PAH: variants seen among roughly 807,000 people sequenced by gnomAD.
PAH encodes the protein phenylalanine hydroxylase.
In PAH, 64 loss-of-function variants were observed where a neutral mutation model predicts 62.0. The ratio of observed to expected loss-of-function variants is 1.03; its 90% CI spans 0.84 to 1.27. The LOEUF (loss-of-function observed/expected upper bound fraction) is 1.27. Among genes scored for constraint, PAH ranks in the 50% most tolerant of loss-of-function variants. The pLI is 0.00. For synonymous variants in PAH, 195 were observed against 196.2 expected (o/e 0.99, Z 0.05); for missense variants, 579 against 542.8 (o/e 1.07, Z -0.66).
chr12:102,944,157 G>GT (rs1456142442), intron 1 of PAH, among the ~76,000 whole-genome samples: 1 of 152,138 alleles, frequency 6.6e-6, no homozygotes, highest in Non-Finnish European at 1.5e-5. Flanking sequence ...TCCGTTGCAC[G>GT]TTTTTTGTTT....
In PAH at chr12:102,853,557, C is replaced by A. The variant is rs544180173; in HGVS notation, c.707-607G>T. On this transcript the variant is annotated intron_variant, in intron 6 of 12. Coordinates refer to ENST00000553106, the MANE Select transcript of PAH (RefSeq NM_000277.3). ...TCATTCCAGTCTGCTCTTGGCCATGCAATGGACTATGCTCTATGAATTGGC... is the reference window on the plus strand; with the variant it reads ...TCATTCCAGTCTGCTCTTGGCCATGAAATGGACTATGCTCTATGAATTGGC... The A allele has an allele frequency of 9.7e-4, 159 of 164,540 alleles. 2 individuals carry two copies. Among genetic ancestry groups the A allele is most frequent in the East Asian group, 7.2e-3 (43 of 5,960 alleles). 10.2% of individuals were successfully genotyped at this position (164,540 alleles called of 1,614,324 possible).
chr12:102,920,339 C>T (rs932885807), upstream of PAH, among the ~76,000 whole-genome samples: 2 of 152,184 alleles, frequency 1.3e-5, no homozygotes, highest in South Asian at 2.1e-4. Context: ...AAAGGCACAT[C>T]TAGAAGAAGC....
intron 8 of PAH, among the ~76,000 whole-genome samples, chr12:102,847,631 A>C (rs1452294921): frequency 2.0e-5 from 3 of 152,228 alleles, no homozygotes; most frequent in African/African-American, 7.2e-5. Context: ...TAAATAATGA[A>C]CATATACATA....
chr12:102,896,250 C>T (rs1460923223), intron 2 of PAH, among the ~76,000 whole-genome samples: 4 of 152,052 alleles, frequency 2.6e-5, no homozygotes, highest in African/African-American at 7.2e-5. Flanking sequence ...AGGTGAAGGC[C>T]GGAAGGTGGC....
At chr12:102,846,840 T>A (rs369074678) in intron 9 of PAH, 55 bp downstream of exon 9, 266 of 1,458,830 alleles carry the variant, frequency 1.8e-4, no homozygotes, top group Non-Finnish European at 2.4e-4. Context: ...TTCAAAGACC[T>A]GAGGGCCATA....
Position 102,851,709 on chromosome 12 carries a change from C to T in PAH, c.890G>A (p.Arg297His), listed in dbSNP as rs62642939. The change falls in exon 8 of 13, where the codon CGC becomes CAC. Residue 297 changes from arginine (R) to histidine (H), a missense_variant. Physicochemically the swap from Arg to His is conservative, Grantham distance 29. Coordinates refer to ENST00000553106, the MANE Select transcript of PAH (RefSeq NM_000277.3). ...TACCTGGGAAAACTGGGCAAAGCTG[C>T]GATCTGAAAACAAGGGCACATGTCC... The part of the protein sequence containing the change: ...LLGHVPLFSD[R>H]SFAQFSQEIG... 2.4e-5 allele frequency: 39 copies of T among 1,613,768 alleles called. No individual in the cohort carries two copies. The highest frequency in any genetic ancestry group is 4.5e-5 in the East Asian group (2 of 44,872).
chr12:102,924,525 T>G (rs1878636814), intron 1 of PAH, among the ~76,000 whole-genome samples: 1 of 152,228 alleles, frequency 6.6e-6, no homozygotes. Flanking sequence ...GAGGCTAGTC[T>G]GTCCCTTTGG....
At position 102,957,466 on chromosome 12, in the gene PAH, C is replaced by T. The variant is rs1879951388; in HGVS notation, c.-96+729G>A. On this transcript the variant is annotated intron_variant, in intron 1 of 4. Transcript: ENST00000551337. The surrounding 1 kb of genome is among the most constrained non-coding windows in gnomAD (Gnocchi z 4.1). ...CAAACCCAGCTGAATGGAGAGTTTG[C>T]AAGGAGCGGGAGAAAGGAACGGGAG... Among the ~76,000 whole-genome samples the T allele has an allele frequency of 6.8e-6, 1 of 147,162 alleles. No individual in the cohort carries two copies. Among genetic ancestry groups the T allele is most frequent in the Non-Finnish European group, 1.5e-5 (1 of 67,102 alleles).
chr12:102,935,969 T>C lies in PAH; in HGVS notation c.-96+14620A>G, dbSNP rs183842676. ...TGTTTTTCTAGTTCCTTAAGATGCA[T>C]TGATAGCTTGTTTATTTGAATTTTT... On this transcript the variant is annotated intron_variant, in intron 1 of 3. Coordinates refer to the PAH transcript ENST00000546844. Among the ~76,000 whole-genome samples, 383 of 151,988 alleles carry C rather than the reference T, an allele frequency of 2.5e-3. 3 individuals carry two copies. The highest frequency in any genetic ancestry group is 6.3e-4 in the Non-Finnish European group (43 of 67,876).
chr12:102,941,769 T>C (rs1879300586), intron 1 of PAH, among the ~76,000 whole-genome samples: 1 of 152,130 alleles, frequency 6.6e-6, no homozygotes, highest in African/African-American at 2.4e-5. Context: ...GCAATGTTGA[T>C]TCAACATAGG....
intron 3 of PAH, among the ~76,000 whole-genome samples, chr12:102,880,870 A>T (rs181648176): frequency 4.6e-5 from 7 of 152,132 alleles, no homozygotes; most frequent in South Asian, 2.1e-4. Flanking sequence ...AATTCTTTTT[A>T]AAAAATTCCA....
At chr12:102,854,935 A>T (rs1309680682) in intron 6 of PAH, 2 of 644,452 alleles carry the variant, frequency 3.1e-6, no homozygotes, top group African/African-American at 3.6e-5. Context: ...TGATTGAATG[A>T]AAGTGGATAA....
chr12:102,953,542 C>T (rs1879828888), upstream of PAH: 1 of 152,204 alleles, frequency 6.6e-6, no homozygotes, highest in Admixed American at 6.5e-5. Context: ...GGCACAGGGT[C>T]TCTGATCTCA....
At chr12:102,861,966 T>TAAAAAAAAAAA (rs71097947) in intron 5 of PAH, among the ~76,000 whole-genome samples, 40 of 128,378 alleles carry the variant, frequency 3.1e-4, no homozygotes, top group Non-Finnish European at 4.3e-4. Context: ...ACTTAAAGTA[T>TAAAAAAAAAAA]AAAAAAAAAA....
At chr12:102,880,134 G>A (rs1375801666) in intron 3 of PAH, among the ~76,000 whole-genome samples, 1 of 152,132 alleles carries the variant, frequency 6.6e-6, no homozygotes, top group Non-Finnish European at 1.5e-5. Flanking sequence ...TGGAGTCTCG[G>A]ATGACTCAAT....
chr12:102,950,127 A>T (rs1371757400), intron 1 of PAH: 2 of 152,218 alleles, frequency 1.3e-5, no homozygotes, highest in Non-Finnish European at 2.9e-5. Context: ...TAAAAATATC[A>T]ACTTACTTAA....
chr12:102,857,637 T>C (rs1318790390), intron 5 of PAH, among the ~76,000 whole-genome samples: 2 of 152,148 alleles, frequency 1.3e-5, no homozygotes, highest in Non-Finnish European at 2.9e-5. Flanking sequence ...CGGCAGAAAC[T>C]CTACCAGCCA....
At chr12:102,866,480 C>G in intron 5 of PAH, 116 bp downstream of exon 5, 5 of 818,298 alleles carry the variant, frequency 6.1e-6, no homozygotes, top group South Asian at 2.7e-5. Context: ...CATGCACACA[C>G]AGAAGGCAGG....
chr12:102,924,656 C>A (rs908250542), intron 1 of PAH, among the ~76,000 whole-genome samples: 6 of 152,040 alleles, frequency 3.9e-5, no homozygotes, highest in African/African-American at 1.4e-4. Context: ...TGTTTCCATG[C>A]CAAGGTAAAG....
Sources: allele counts gnomAD v4.1 joint callset (sites outside exome capture counted in the v4.1 genomes callset), GRCh38; gene constraint gnomAD v4.1.1; non-coding constraint Gnocchi (gnomAD v3.1); transcripts MANE v1.5; gene names NCBI Gene and HGNC (gene_info 2026-07-23, HGNC 2026-07-21).